The following PDE4DIP variants were observed in gnomAD, a reference collection of about 807,000 sequenced individuals.
The protein encoded by PDE4DIP is phosphodiesterase 4D interacting protein.
Under a neutral mutation model 221.4 loss-of-function variants are expected in PDE4DIP, and 59 were observed. The ratio of observed to expected loss-of-function variants is 0.27; its 90% confidence interval spans 0.22 to 0.33. The LOEUF (loss-of-function observed/expected upper bound fraction) is 0.33. PDE4DIP is among the 10% of genes least tolerant of loss of function. The pLI is 1.00. For missense variants in PDE4DIP, 1,036 were observed against 2,154.2 expected, an observed-to-expected ratio of 0.48 and a Z score of 10.28; for synonymous variants, 404 against 815.9, an observed-to-expected ratio of 0.50 and a Z score of 8.60.
chr1:148,936,682 G>A (rs1209497418), intron 4 of PDE4DIP, among the ~76,000 whole-genome samples: 3 of 152,036 alleles, frequency 2.0e-5, no homozygotes, highest in Admixed American at 6.6e-5. Flanking sequence ...CCTTATTCTA[G>A]AAAAGGTTTA....
chr1:149,030,135 C>A, intron 42 of PDE4DIP, 97 bp from the exon 46 acceptor site: 1 of 1,050,810 alleles, frequency 9.5e-7, no homozygotes, highest in Non-Finnish European at 1.4e-6. Context: ...AGCTGAATAG[C>A]CAGAAAGAAA....
chr1:148,885,208 C>T (rs4649745), upstream of PDE4DIP, among the ~76,000 whole-genome samples: 15 of 142,078 alleles, frequency 1.1e-4, no homozygotes, highest in African/African-American at 1.8e-4. Context: ...GATAGTGCTA[C>T]GGAATAAAAA....
chr1:148,953,990 G>C (rs1447787326), intron 5 of PDE4DIP: 3 of 754,886 alleles, frequency 4.0e-6, no homozygotes, highest in Admixed American at 2.3e-5. Flanking sequence ...GTGGAGGTTA[G>C]AAATATTCTG....
exon 34 of PDE4DIP, chr1:149,017,864 A>C: frequency 6.2e-7 from 1 of 1,613,304 alleles, no homozygotes; most frequent in Non-Finnish European, 8.5e-7. Context: ...GCTGACCTCT[A>C]CTGCTCGTGG....
intron 14 of PDE4DIP, among the ~76,000 whole-genome samples, chr1:148,970,678 T>C (rs1177072736): frequency 6.6e-6 from 1 of 152,192 alleles, no homozygotes; most frequent in Non-Finnish European, 1.5e-5. Flanking sequence ...GTTCGGGGAC[T>C]GCATTGGAGG....
rs1463026977 is a variant in PDE4DIP at position 148,976,336 on chromosome 1, A to T, written c.2320-1601A>T. Reference sequence around the variant, plus strand: ...AAGATATTATAGCCTAGTGGCTCTGAGTCAGCTTCCCTGAGTTCACGTTCT... The same window carrying T: ...AAGATATTATAGCCTAGTGGCTCTGTGTCAGCTTCCCTGAGTTCACGTTCT... On this transcript the variant is annotated intron_variant, in intron 17 of 43. Transcript: ENST00000369354. Among the ~76,000 whole-genome samples the T allele has an allele frequency of 5.3e-5, 8 of 152,330 alleles. No homozygotes were observed. In the South Asian group the frequency reaches 8.3e-4, roughly 16 times the overall value.
chr1:148,822,446 T>C (rs1669528230), intron 1 of PDE4DIP, among the ~76,000 whole-genome samples: 1 of 146,194 alleles, frequency 6.8e-6, no homozygotes, highest in East Asian at 2.0e-4. Context: ...GGGAACCCTA[T>C]TGTGAACTGG....
chr1:148,918,901 G>GT (rs1459776637), intron 1 of PDE4DIP, among the ~76,000 whole-genome samples: 1 of 83,710 alleles, frequency 1.2e-5, no homozygotes, highest in Non-Finnish European at 2.4e-5. Flanking sequence ...TTTCCACTTG[G>GT]TTTTTTCCAT....
At chr1:149,000,683 T>C (rs1698644) in intron 23 of PDE4DIP, among the ~76,000 whole-genome samples, 8,892 of 148,636 alleles carry the variant, frequency 0.06, 663 homozygotes, top group East Asian at 0.43. Context: ...TGGTATTTCT[T>C]AGGTCTGCAG....
intron 1 of PDE4DIP, among the ~76,000 whole-genome samples, chr1:148,827,700 CTT>C (rs1670926998): frequency 8.9e-6 from 1 of 111,790 alleles, no homozygotes; most frequent in African/African-American, 3.0e-5. Context: ...TGTCTGTGTG[CTT>C]GTGTGTGTGT....
chr1:148,973,296 A>C (rs1264886288), intron 16 of PDE4DIP, among the ~76,000 whole-genome samples: 1 of 151,726 alleles, frequency 6.6e-6, no homozygotes, highest in Non-Finnish European at 1.5e-5. Context: ...CACCCAGCTA[A>C]TTTTTTTGTA....
intron 1 of PDE4DIP, among the ~76,000 whole-genome samples, chr1:148,918,864 G>A (rs1265185190): frequency 1.2e-5 from 1 of 86,008 alleles, no homozygotes; most frequent in Non-Finnish European, 2.4e-5. Context: ...TTTGAATGTG[G>A]AGCCTTATAT....
chr1:148,940,381 T>C (rs1342757132), intron 5 of PDE4DIP, among the ~76,000 whole-genome samples: 1 of 152,256 alleles, frequency 6.6e-6, no homozygotes, highest in East Asian at 1.9e-4. Context: ...CATTGCCTAA[T>C]AAAAATTTAT....
At chr1:148,892,004 T>C (rs1553437563) in intron 1 of PDE4DIP, among the ~76,000 whole-genome samples, 1 of 87,072 alleles carries the variant, frequency 1.1e-5, no homozygotes, top group Admixed American at 1.2e-4. Context: ...GGAAAGGATT[T>C]TGTTGTTGTT....
exon 15 of PDE4DIP, chr1:148,972,213 G>A: frequency 6.3e-7 from 1 of 1,598,734 alleles, no homozygotes; most frequent in Non-Finnish European, 8.6e-7. Context: ...AGCCTTAATG[G>A]AAAGAAATTC....
chr1:149,021,615 T>C (rs2072961328), intron 37 of PDE4DIP: 1 of 152,014 alleles, frequency 6.6e-6, no homozygotes, highest in Non-Finnish European at 1.5e-5. Flanking sequence ...TTTAGTTTCC[T>C]GATTTTCTAA....
chr1:148,954,750 A>G (rs1553500147), intron 5 of PDE4DIP, among the ~76,000 whole-genome samples: 1 of 151,830 alleles, frequency 6.6e-6, no homozygotes, highest in South Asian at 2.1e-4. Context: ...AAATTCAACT[A>G]TGGTAGTTTG....
rs781948979 is a variant in PDE4DIP, at chr1:148,983,226, G to A, written c.2815+1829G>A. 3.9e-5 allele frequency: 6 copies of A among 152,140 alleles called. 1 individual carries two copies. Among genetic ancestry groups the A allele is most frequent in the South Asian group, 4.1e-4 (2 of 4,826 alleles). 9.4% of individuals were successfully genotyped at this position (152,140 alleles called of 1,614,324 possible). On this transcript the variant is annotated intron_variant, in intron 21 of 43. Transcript: ENST00000369354. ...TCAACCCATCAAAGACTAGTTTGTC[G>A]TGTCATTACAACAAGGCATTTAGGG...
chr1:149,000,448 G>A (rs1463971618), intron 23 of PDE4DIP, among the ~76,000 whole-genome samples: 14 of 151,810 alleles, frequency 9.2e-5, no homozygotes, highest in Admixed American at 5.9e-4. Context: ...CCAGCTACTC[G>A]GGAGGCTGAG....
Sources: gnomAD v4.1 joint callset for allele counts (sites outside exome capture counted in the v4.1 genomes callset) on GRCh38, gnomAD v4.1.1 for gene constraint, MANE v1.5 for transcripts, NCBI Gene and HGNC (gene_info 2026-07-23, HGNC 2026-07-21) for gene names.